Variants in LRRC7 observed in about 807,000 individuals in gnomAD.
The protein encoded by LRRC7 is leucine rich repeat containing 7.
Under a neutral mutation model 175.7 loss-of-function variants are expected in LRRC7, and 23 were observed. The observed-to-expected ratio is 0.13, with a 90% CI of 0.09 to 0.19. LRRC7 has a LOEUF of 0.19. LRRC7 is among the 10% of genes least tolerant of loss of function. LRRC7 has a pLI of 1.00. For synonymous variants in LRRC7, 685 were observed against 680.9 expected, an observed-to-expected ratio of 1.01 and a Z score of -0.09; for missense variants, 1,354 against 1,904.7, an observed-to-expected ratio of 0.71 and a Z score of 5.38.
At chr1:69,669,412 ACT>A (rs758907858) in intron 1 of LRRC7, among the ~76,000 whole-genome samples, 6 of 151,988 alleles carry the variant, frequency 3.9e-5, no homozygotes, top group Non-Finnish European at 7.4e-5. Flanking sequence ...TGGCCTATAA[ACT>A]CTCTACTGAA....
intron 1 of LRRC7, among the ~76,000 whole-genome samples, chr1:69,590,588 G>C (rs1245048): frequency 6.6e-6 from 1 of 151,900 alleles, no homozygotes; most frequent in Admixed American, 6.6e-5. Flanking sequence ...CTACCATGAC[G>C]AGTGAAACAC....
At chr1:70,006,876 G>T (rs1656040271) in intron 11 of LRRC7, among the ~76,000 whole-genome samples, 1 of 152,084 alleles carries the variant, frequency 6.6e-6, no homozygotes, top group Non-Finnish European at 1.5e-5. Context: ...ATATTACAAG[G>T]GATACAAATG....
At chr1:69,915,829 T>C (rs1646669826) in intron 7 of LRRC7, among the ~76,000 whole-genome samples, 1 of 151,554 alleles carries the variant, frequency 6.6e-6, no homozygotes, top group South Asian at 2.1e-4. Context: ...ACTATTTACA[T>C]GGTTTACCTA....
At chr1:69,670,201 C>A (rs1010885581) in intron 1 of LRRC7, among the ~76,000 whole-genome samples, 2 of 152,070 alleles carry the variant, frequency 1.3e-5, no homozygotes, top group African/African-American at 4.8e-5. Context: ...AAAGTCTGGG[C>A]TTGTTTGTGC....
intron 8 of LRRC7, among the ~76,000 whole-genome samples, chr1:69,943,949 AACAC>A (rs55900412): frequency 0.044 from 6,355 of 145,430 alleles, 395 homozygotes; most frequent in African/African-American, 0.15. Flanking sequence ...TATCATGGTA[AACAC>A]ACACACACAC....
chr1:70,059,076 G>A (rs889269793), intron 23 of LRRC7, among the ~76,000 whole-genome samples: 1 of 152,156 alleles, frequency 6.6e-6, no homozygotes, highest in African/African-American at 2.4e-5. Flanking sequence ...TTCTGGAATG[G>A]ATAACCAAGA....
At chr1:69,904,731 G>T (rs951246816) in intron 7 of LRRC7, among the ~76,000 whole-genome samples, 2 of 151,924 alleles carry the variant, frequency 1.3e-5, no homozygotes, top group Non-Finnish European at 2.9e-5. Flanking sequence ...TAAGTAAATT[G>T]CATGTCACAG....
At chr1:69,752,617 T>A (rs1240794091) in intron 2 of LRRC7, among the ~76,000 whole-genome samples, 1 of 152,166 alleles carries the variant, frequency 6.6e-6, no homozygotes, top group African/African-American at 2.4e-5. Context: ...GTCTCTCTGT[T>A]ATTCACCTAG....
intron 7 of LRRC7, among the ~76,000 whole-genome samples, chr1:69,880,944 T>C (rs2101611175): frequency 6.6e-6 from 1 of 152,310 alleles, no homozygotes; most frequent in South Asian, 2.1e-4. Context: ...TTTATAACTG[T>C]TTTTGATTGA....
chr1:69,766,585 A>G (rs1671643823), intron 3 of LRRC7, among the ~76,000 whole-genome samples: 1 of 152,130 alleles, frequency 6.6e-6, no homozygotes, highest in South Asian at 2.1e-4. Flanking sequence ...TGTATTCTTA[A>G]TACTTACTCA....
chr1:70,026,046 A>T (rs1316828568), intron 17 of LRRC7, among the ~76,000 whole-genome samples: 1 of 152,156 alleles, frequency 6.6e-6, no homozygotes, highest in East Asian at 1.9e-4. Context: ...TAACCAGAAA[A>T]TATTAGTACC....
intron 7 of LRRC7, among the ~76,000 whole-genome samples, chr1:69,876,217 C>T (rs1408104683): frequency 1.3e-5 from 2 of 152,044 alleles, no homozygotes; most frequent in Admixed American, 1.3e-4. Flanking sequence ...TCAAATTTTG[C>T]CAATTAAGGT....
chr1:69,786,154 G>A (rs755161760), intron 3 of LRRC7, among the ~76,000 whole-genome samples: 1 of 151,986 alleles, frequency 6.6e-6, no homozygotes, highest in Non-Finnish European at 1.5e-5. Flanking sequence ...TTAAAGTTGA[G>A]TTCCTTAGAG....
intron 7 of LRRC7, among the ~76,000 whole-genome samples, chr1:69,900,791 T>C (rs114588638): frequency 2.5e-3 from 385 of 152,308 alleles, no homozygotes; most frequent in African/African-American, 8.8e-3. Context: ...CAACCTGTAT[T>C]CTAAATTGCA....
chr1:69,983,836 A>G (rs1461168237), intron 9 of LRRC7, among the ~76,000 whole-genome samples: 1 of 152,180 alleles, frequency 6.6e-6, no homozygotes, highest in Non-Finnish European at 1.5e-5. Flanking sequence ...CTGCTTCCCA[A>G]GGAATCCAAC....
At chr1:70,091,495 T>A (rs1022066606) in intron 25 of LRRC7, among the ~76,000 whole-genome samples, 2 of 152,156 alleles carry the variant, frequency 1.3e-5, no homozygotes, top group African/African-American at 2.4e-5. Context: ...TATAAATCTT[T>A]TCACTATATT....
At chr1:69,875,997 C>T (rs974617057) in intron 7 of LRRC7, among the ~76,000 whole-genome samples, 10 of 152,028 alleles carry the variant, frequency 6.6e-5, no homozygotes, top group African/African-American at 2.4e-4. Flanking sequence ...AGACTACTCT[C>T]AGGAACGTGG....
rs780524150 is a variant in LRRC7 at position 70,038,684 on chromosome 1, C to A, written c.2860C>A (p.Pro954Thr). ...TGTCTTTTCTCAAATCCACTGCCGC[C>A]CGGAATCTTCTAAAGGTGTTATTTC... Reference protein sequence around the residue: ...SNVFSQIHCRPESSKGVISIS... With the variant: ...SNVFSQIHCRTESSKGVISIS... The change falls in exon 21 of 27, where the codon CCG (proline) becomes ACG (threonine). Residue 954 changes from proline (P) to threonine (T), a missense_variant. Transcript: ENST00000651989. 6.8e-5 allele frequency: 109 copies of A among 1,613,934 alleles called. No homozygotes were observed. Among genetic ancestry groups the A allele is most frequent in the Non-Finnish European group, 9.1e-5 (107 of 1,180,010 alleles).
chr1:69,831,411 T>C (rs907606856), intron 5 of LRRC7, among the ~76,000 whole-genome samples: 29 of 152,038 alleles, frequency 1.9e-4, no homozygotes, highest in Non-Finnish European at 3.2e-4. Context: ...CAGAGAAAAT[T>C]AATGACCTAC....
Sources: allele counts gnomAD v4.1 joint callset (sites outside exome capture counted in the v4.1 genomes callset), GRCh38; gene constraint gnomAD v4.1.1; transcripts MANE v1.5; gene names NCBI Gene and HGNC (gene_info 2026-07-23, HGNC 2026-07-21).